PRKG1: variants seen among roughly 807,000 people sequenced by gnomAD.
PRKG1 encodes the protein cGMP-dependent protein kinase 1.
In PRKG1, 35 loss-of-function variants were observed where a neutral mutation model predicts 88.1. The ratio of observed to expected loss-of-function variants is 0.40; its 90% confidence interval spans 0.30 to 0.53. The LOEUF is 0.53. Among genes scored for constraint, PRKG1 ranks in the 20% least tolerant of loss-of-function variants. The pLI is 0.59. For missense variants in PRKG1, 540 were observed against 839.8 expected, an observed-to-expected ratio of 0.64 and a Z score of 4.41; for synonymous variants, 303 against 292.5, an observed-to-expected ratio of 1.04 and a Z score of -0.37.
chr10:52,139,847 G>A (rs1013251918), intron 8 of PRKG1, among the ~76,000 whole-genome samples: 15 of 151,930 alleles, frequency 9.9e-5, no homozygotes, highest in African/African-American at 2.7e-4. Context: ...TACATGACTC[G>A]GACAAGGGGT....
intron 2 of PRKG1, among the ~76,000 whole-genome samples, chr10:51,202,547 C>A (rs73335865): frequency 1.2e-3 from 184 of 151,938 alleles, no homozygotes; most frequent in African/African-American, 3.9e-3. Context: ...TACACACACA[C>A]AAAAAAAGAC....
intron 2 of PRKG1, among the ~76,000 whole-genome samples, chr10:51,220,000 C>T (rs898763424): frequency 1.3e-5 from 2 of 152,028 alleles, no homozygotes; most frequent in African/African-American, 4.8e-5. Flanking sequence ...CTGGTTGGGC[C>T]TTATAAGCAG....
intron 5 of PRKG1, among the ~76,000 whole-genome samples, chr10:51,945,539 T>G (rs1326786935): frequency 2.6e-5 from 4 of 151,942 alleles, no homozygotes; most frequent in Admixed American, 2.0e-4. Flanking sequence ...TGATGCAGTT[T>G]CTTCCTAGCC....
intron 5 of PRKG1, among the ~76,000 whole-genome samples, chr10:51,943,266 G>A (rs1842950426): frequency 6.6e-6 from 1 of 151,804 alleles, no homozygotes; most frequent in Admixed American, 6.6e-5. Context: ...TCTGTTATTG[G>A]TGTATAAGAA....
chr10:51,576,876 A>T (rs1371035343), intron 3 of PRKG1, among the ~76,000 whole-genome samples: 2 of 151,886 alleles, frequency 1.3e-5, no homozygotes, highest in Admixed American at 1.3e-4. Flanking sequence ...TTGTGCTTTT[A>T]AATAGCCTTA....
At chr10:52,092,044 G>T (rs1341107762) in intron 7 of PRKG1, among the ~76,000 whole-genome samples, 1 of 152,142 alleles carries the variant, frequency 6.6e-6, no homozygotes, top group South Asian at 2.1e-4. Flanking sequence ...TGCTAATGAG[G>T]CTGCATTGTG....
intron 3 of PRKG1, among the ~76,000 whole-genome samples, chr10:51,771,009 G>A (rs966229735): frequency 6.6e-6 from 1 of 152,174 alleles, no homozygotes; most frequent in African/African-American, 2.4e-5. Context: ...TAGGCTTTAT[G>A]GATACAGCTG....
intron 9 of PRKG1, among the ~76,000 whole-genome samples, chr10:52,217,144 G>A (rs1840130915): frequency 6.6e-6 from 1 of 152,060 alleles, no homozygotes; most frequent in Admixed American, 6.6e-5. Flanking sequence ...TTCCAAAATA[G>A]CACCCAAGGC....
chr10:52,162,120 G>A (rs1258267707), intron 9 of PRKG1, among the ~76,000 whole-genome samples, 157 bp downstream of exon 9: 2 of 151,932 alleles, frequency 1.3e-5, no homozygotes, highest in Non-Finnish European at 2.9e-5. Flanking sequence ...ATTATTACAC[G>A]GTATGCTTAC....
chr10:51,381,246 G>A (rs1837087579), intron 2 of PRKG1, among the ~76,000 whole-genome samples: 2 of 78,142 alleles, frequency 2.6e-5, no homozygotes, highest in African/African-American at 4.7e-5. Context: ...AACAGAGCAA[G>A]CCTCCATCTT....
At chr10:51,758,627 G>GGC (rs1299757683) in intron 3 of PRKG1, among the ~76,000 whole-genome samples, 1 of 152,026 alleles carries the variant, frequency 6.6e-6, no homozygotes, top group African/African-American at 2.4e-5. Context: ...GTGGACCATT[G>GGC]GCTGTACCAT....
At chr10:51,399,806 G>A (rs10997388) in intron 2 of PRKG1, among the ~76,000 whole-genome samples, 52,417 of 151,872 alleles carry the variant, frequency 0.35, 9,757 homozygotes, top group Middle Eastern at 0.44. Flanking sequence ...GCACAACAGC[G>A]GAAATGGTGA....
At chr10:51,792,865 C>T (rs971560894) in intron 3 of PRKG1, among the ~76,000 whole-genome samples, 1 of 151,982 alleles carries the variant, frequency 6.6e-6, no homozygotes, top group Non-Finnish European at 1.5e-5. Context: ...AATTAAAATG[C>T]TTATTCAGCT....
intron 2 of PRKG1, chr10:51,244,982 A>G (rs1341495064): frequency 1.3e-5 from 2 of 151,952 alleles, no homozygotes; most frequent in Non-Finnish European, 2.9e-5. Context: ...TTCCTTCTCT[A>G]GAAAGTCAGC....
chr10:51,508,525 T>C (rs1231758911), intron 3 of PRKG1, among the ~76,000 whole-genome samples: 2 of 152,088 alleles, frequency 1.3e-5, no homozygotes, highest in Non-Finnish European at 2.9e-5. Flanking sequence ...TTTAAAGCAG[T>C]CACTTTTATC....
At chr10:51,127,721 A>C (rs1440643594) in intron 1 of PRKG1, among the ~76,000 whole-genome samples, 2 of 152,228 alleles carry the variant, frequency 1.3e-5, no homozygotes, top group Non-Finnish European at 2.9e-5. Context: ...ATGCCCACCA[A>C]GGATAGACTG....
At chr10:51,414,159 C>G (rs1322501936) in intron 2 of PRKG1, among the ~76,000 whole-genome samples, 2 of 152,198 alleles carry the variant, frequency 1.3e-5, no homozygotes, top group African/African-American at 2.4e-5. Context: ...CTGGCCCCTA[C>G]AGCAATGTGC....
At chr10:51,399,527 T>G (rs1837675531) in intron 2 of PRKG1, among the ~76,000 whole-genome samples, 1 of 152,196 alleles carries the variant, frequency 6.6e-6, no homozygotes, top group Non-Finnish European at 1.5e-5. Flanking sequence ...CTGAACCCCT[T>G]GCCTATGTTT....
At chr10:51,564,243 CT>C (rs1057371683) in intron 3 of PRKG1, among the ~76,000 whole-genome samples, 2 of 151,784 alleles carry the variant, frequency 1.3e-5, no homozygotes, top group African/African-American at 4.8e-5. Flanking sequence ...CAAAAAAACC[CT>C]TTTTCTCACA....
Sources: gnomAD v4.1 joint callset for allele counts (sites outside exome capture counted in the v4.1 genomes callset) on GRCh38, gnomAD v4.1.1 for gene constraint, MANE v1.5 for transcripts, NCBI Gene and HGNC (gene_info 2026-07-23, HGNC 2026-07-21) for gene names.